The following HIPK1 variants were observed in gnomAD, a reference collection of about 807,000 sequenced individuals.
HIPK1 encodes homeodomain-interacting protein kinase 1.
In HIPK1, 28 loss-of-function variants were observed where a neutral mutation model predicts 117.1. The observed-to-expected ratio is 0.24, with a 90% CI of 0.18 to 0.33. The LOEUF is 0.33. Among genes scored for constraint, HIPK1 ranks in the 10% least tolerant of loss-of-function variants. HIPK1 has a pLI of 1.00. For missense variants in HIPK1, 1,122 were observed against 1,475.1 expected (o/e 0.76, Z 3.92); for synonymous variants, 605 against 562.5 (o/e 1.08, Z -1.07).
intron 8 of HIPK1, among the ~76,000 whole-genome samples, chr1:113,960,018 A>G (rs1375669650): frequency 6.6e-6 from 1 of 152,202 alleles, no homozygotes. Flanking sequence ...AGGCAGGGGA[A>G]TTCATAGCTT....
intron 2 of HIPK1, among the ~76,000 whole-genome samples, chr1:113,949,631 C>T (rs1671219213): frequency 7.0e-6 from 1 of 142,268 alleles, no homozygotes; most frequent in Non-Finnish European, 1.5e-5. Flanking sequence ...CAGAGTCTTA[C>T]TCTGTCACCC....
In HIPK1 at chr1:113,968,477, C is replaced by A. The variant is rs767231130; in HGVS notation, c.2600C>A (p.Ser867Tyr). Residue 867 changes from serine to tyrosine, a missense_variant, in exon 13 of 16, where the codon TCT becomes TAT. Coordinates refer to ENST00000426820, the MANE Select transcript of HIPK1 (RefSeq NM_198268.3). ...GATGTTCTGCCTTCCCAAGTCTATT[C>A]TCTGGTTGGGAGCAGTCCCCTCCGC... ...SLDVLPSQVY[S>Y]LVGSSPLRTT... 6.2e-7 allele frequency: 1 copy of A among 1,613,920 alleles called. No homozygotes were observed. The highest frequency in any genetic ancestry group is 1.3e-5 in the African/African-American group (1 of 74,934).
At chr1:113,972,015 A>G (rs752643715) in intron 15 of HIPK1, 61 bp downstream of exon 15, 1 of 1,612,678 alleles carries the variant, frequency 6.2e-7, no homozygotes, top group Non-Finnish European at 8.5e-7. Context: ...TTTCTGGAGA[A>G]CCCTGCTTCT....
chr1:113,962,160 T>G (rs1331025079), intron 8 of HIPK1, among the ~76,000 whole-genome samples, 157 bp from the exon 9 acceptor site: 1 of 152,186 alleles, frequency 6.6e-6, no homozygotes, highest in Admixed American at 6.5e-5. Context: ...TTTCTTAACT[T>G]CCAAGACTTC....
chr1:113,974,526 T>C lies in HIPK1; in HGVS notation c.*1014T>C, dbSNP rs989543968. ...TTTTGCTCATCTCTCCCTTCTGTTT[T>C]ATGTGATTTGTTTGGGGAGAAAGCT... On this transcript the variant is annotated 3_prime_UTR_variant, in exon 16 of 16. Transcript: ENST00000426820. 1 of 152,720 alleles carries C rather than the reference T, an allele frequency of 6.5e-6. No homozygotes were observed. The highest frequency in any genetic ancestry group is 1.5e-5 in the Non-Finnish European group (1 of 68,028). The allele number at this position is 152,720 out of a possible 1,614,324, so 9.5% of individuals were successfully genotyped here.
At chr1:113,969,106 G>A (rs375880220) in intron 13 of HIPK1, among the ~76,000 whole-genome samples, 2 of 152,148 alleles carry the variant, frequency 1.3e-5, no homozygotes, top group East Asian at 1.9e-4. Context: ...TTGGGCATAC[G>A]GAAGAGGGAA....
At chr1:113,972,259 T>C (rs552826632) in intron 15 of HIPK1, among the ~76,000 whole-genome samples, 1 of 152,310 alleles carries the variant, frequency 6.6e-6, no homozygotes, top group South Asian at 2.1e-4. Flanking sequence ...GATAGGCATA[T>C]GCTTTGAGAC....
intron 1 of HIPK1, among the ~76,000 whole-genome samples, chr1:113,939,423 C>A (rs1047336226): frequency 2.7e-5 from 4 of 150,648 alleles, no homozygotes; most frequent in African/African-American, 9.8e-5. Context: ...TGGCTTGAGG[C>A]GTTGGATGTG....
chr1:113,942,751 A>G (rs921200514), intron 2 of HIPK1, among the ~76,000 whole-genome samples: 3 of 152,214 alleles, frequency 2.0e-5, no homozygotes, highest in South Asian at 2.1e-4. Flanking sequence ...TGTCTGTACC[A>G]TAACCAAGGC....
In HIPK1 at chr1:113,974,047, T is replaced by TTTTG. The variant is rs1336660321; in HGVS notation, c.*539_*542dup. ...TTAAAAGCGGCTTACACAATCTCCCTTTTGTTTATTGGACATTTAAACTTA... is the reference window on the plus strand; with the variant it reads ...TTAAAAGCGGCTTACACAATCTCCCTTTTGTTTGTTTATTGGACATTTAAACTTA... On this transcript the variant is annotated 3_prime_UTR_variant, in exon 16 of 16. Transcript: ENST00000426820. 3.9e-5 allele frequency: 6 copies of TTTTG among 152,438 alleles called. No homozygotes were observed. The highest frequency in any genetic ancestry group is 1.4e-4 in the African/African-American group (6 of 41,472). The allele number at this position is 152,438 out of a possible 1,614,324, so 9.4% of individuals were successfully genotyped here.
At chr1:113,956,921 T>C in intron 6 of HIPK1, 110 bp downstream of exon 6, 1 of 1,067,576 alleles carries the variant, frequency 9.4e-7, no homozygotes, top group Non-Finnish European at 1.4e-6. Context: ...TAAATCTGGC[T>C]CAGCAGTGCT....
At chr1:113,964,092 A>T (rs1672301205) in intron 10 of HIPK1, among the ~76,000 whole-genome samples, 1 of 152,238 alleles carries the variant, frequency 6.6e-6, no homozygotes, top group African/African-American at 2.4e-5. Flanking sequence ...ACACATGAAG[A>T]TAGCTCTTTT....
At chr1:113,942,761 C>T (rs1290285302) in intron 2 of HIPK1, among the ~76,000 whole-genome samples, 2 of 152,092 alleles carry the variant, frequency 1.3e-5, no homozygotes, top group Non-Finnish European at 2.9e-5. Flanking sequence ...ATAACCAAGG[C>T]TTTTAAAATG....
chr1:113,957,512 C>T (rs1671803364), intron 7 of HIPK1, among the ~76,000 whole-genome samples: 1 of 152,196 alleles, frequency 6.6e-6, no homozygotes, highest in Non-Finnish European at 1.5e-5. Context: ...ATATGTTCAG[C>T]ATCGTCAAAT....
chr1:113,962,732 T>C (rs1672209783), intron 9 of HIPK1, among the ~76,000 whole-genome samples: 1 of 152,204 alleles, frequency 6.6e-6, no homozygotes, highest in African/African-American at 2.4e-5. Context: ...TTGTTGTTGT[T>C]TGTTTTTTAA....
At chr1:113,957,634 A>G (rs1419859667) in intron 7 of HIPK1, among the ~76,000 whole-genome samples, 1 of 152,200 alleles carries the variant, frequency 6.6e-6, no homozygotes, top group East Asian at 1.9e-4. Context: ...CTGTATTGAA[A>G]GGTTTCCAGT....
At chr1:113,958,988 G>A (rs1281864360) in intron 8 of HIPK1, among the ~76,000 whole-genome samples, 1 of 152,010 alleles carries the variant, frequency 6.6e-6, no homozygotes, top group Non-Finnish European at 1.5e-5. Flanking sequence ...TTTTCACATT[G>A]TTGTTCTGTA....
chr1:113,957,335 T>C, intron 7 of HIPK1, 49 bp downstream of exon 7: 1 of 1,468,464 alleles, frequency 6.8e-7, no homozygotes, highest in Non-Finnish European at 9.4e-7. Context: ...GGATAGAAAC[T>C]AGTAAGAATA....
chr1:113,964,148 T>C (rs1023323550), intron 10 of HIPK1, among the ~76,000 whole-genome samples: 4 of 152,048 alleles, frequency 2.6e-5, no homozygotes, highest in Non-Finnish European at 1.5e-5. Context: ...TTTAAAGATA[T>C]TCCCTTTAGA....
Sources: allele counts gnomAD v4.1 joint callset (sites outside exome capture counted in the v4.1 genomes callset), GRCh38; gene constraint gnomAD v4.1.1; transcripts MANE v1.5; gene names NCBI Gene and HGNC (gene_info 2026-07-23, HGNC 2026-07-21).